Variants in ACSL4 observed in about 807,000 individuals in gnomAD.
ACSL4 encodes the protein long-chain-fatty-acid--CoA ligase 4.
ACSL4 carries 9 observed loss-of-function variants against 49.1 expected under a neutral mutation model. That is an observed-to-expected ratio of 0.18 (90% CI 0.11 to 0.32). The LOEUF (loss-of-function observed/expected upper bound fraction) is 0.32. Among genes scored for constraint, ACSL4 ranks in the 10% least tolerant of loss-of-function variants. The pLI is 1.00. For synonymous variants in ACSL4, 191 were observed against 170.3 expected, an observed-to-expected ratio of 1.12 and a Z score of -0.95; for missense variants, 333 against 493.7, an observed-to-expected ratio of 0.67 and a Z score of 3.08.
At chrX:109,652,898 A>G (rs754925993) in intron 15 of ACSL4, among the ~76,000 whole-genome samples, 1 of 111,854 alleles carries the variant, frequency 8.9e-6, no homozygotes, top group African/African-American at 3.2e-5. Context: ...TTATGTTAAC[A>G]GGCCATTGTT....
Position 109,642,632 on chromosome X carries a change from G to A in ACSL4, c.*1397C>T, listed in dbSNP as rs1319745518. 2 of 111,144 alleles carry A rather than the reference G, an allele frequency of 1.8e-5. No individual in the cohort carries two copies. Among genetic ancestry groups the A allele is most frequent in the African/African-American group, 3.3e-5 (1 of 30,539 alleles). 9.2% of individuals were successfully genotyped at this position (111,144 alleles called of 1,213,427 possible). On this transcript the variant is annotated 3_prime_UTR_variant, in exon 16 of 16. Coordinates refer to ENST00000672401, the MANE Select transcript of ACSL4 (RefSeq NM_001318510.2). ...ATATATAAAAAATGATTAAGAAAAAGTGCAAAGAATAACAGTATTAAGATT... is the reference window on the plus strand; with the variant it reads ...ATATATAAAAAATGATTAAGAAAAAATGCAAAGAATAACAGTATTAAGATT...
intron 15 of ACSL4, 33 bp from the exon 16 acceptor site, chrX:109,644,219 A>G: frequency 8.5e-7 from 1 of 1,176,428 alleles, no homozygotes; most frequent in African/African-American, 1.8e-5. Flanking sequence ...GGAGAAAAGG[A>G]GAGGGGGGGA....
intron 1 of ACSL4, among the ~76,000 whole-genome samples, chrX:109,697,721 G>C (rs781081229): frequency 1.0e-4 from 9 of 85,776 alleles, no homozygotes; most frequent in South Asian, 8.5e-4. Flanking sequence ...GGGGGGGGGG[G>C]CGCGGGGAAC....
In ACSL4 at chrX:109,724,313, T is replaced by C. The variant is rs772428922; in HGVS notation, c.-66+8826A>G. ...TTTCTGAGACAGGGTTTTGCTCTGA[T>C]GCCCAGGCTGGAATGCAGTGGAGTG... On this transcript the variant is annotated intron_variant, in intron 1 of 15. Coordinates refer to ENST00000672401, the MANE Select transcript of ACSL4 (RefSeq NM_001318510.2). Among the ~76,000 whole-genome samples the C allele has an allele frequency of 1.2e-4, 13 of 111,301 alleles. 3 individuals carry two copies. The highest frequency in any genetic ancestry group is 1.1e-3 in the South Asian group (3 of 2,686).
At chrX:109,647,255 C>T (rs764247491) in intron 15 of ACSL4, among the ~76,000 whole-genome samples, 1 of 111,454 alleles carries the variant, frequency 9.0e-6, no homozygotes, top group Non-Finnish European at 1.9e-5. Context: ...TATTCCAAAA[C>T]TGACCACAAA....
intron 10 of ACSL4, among the ~76,000 whole-genome samples, chrX:109,668,622 T>C (rs759985126): frequency 3.4e-4 from 38 of 111,877 alleles, no homozygotes; most frequent in Non-Finnish European, 6.0e-4. Context: ...TCCCCACTCC[T>C]CAGCATCACA....
intron 2 of ACSL4, among the ~76,000 whole-genome samples, chrX:109,688,823 C>T (rs76471217): frequency 9.7e-6 from 1 of 103,182 alleles, no homozygotes; most frequent in Non-Finnish European, 2.0e-5. Context: ...CCTTTTCAGT[C>T]TTTTTTTTTT....
At chrX:109,721,689 G>A (rs749007591) in intron 1 of ACSL4, among the ~76,000 whole-genome samples, 9 of 108,745 alleles carry the variant, frequency 8.3e-5, no homozygotes, top group African/African-American at 2.7e-4. Flanking sequence ...GCGAGATCCT[G>A]CCACTGCACT....
chrX:109,705,978 T>G (rs1926326754), intron 1 of ACSL4, among the ~76,000 whole-genome samples: 1 of 113,126 alleles, frequency 8.8e-6, no homozygotes, highest in African/African-American at 3.2e-5. Context: ...ATTACAGGCG[T>G]AAGCCATGGC....
chrX:109,727,657 T>TTGTGTGTGTGTGTGTGTG (rs35186119), intron 1 of ACSL4, among the ~76,000 whole-genome samples: 1 of 88,400 alleles, frequency 1.1e-5, no homozygotes, highest in Admixed American at 1.3e-4. Context: ...GTTTGTTAAA[T>TTGTGTGTGTGTGTGTGTG]TGTGTGTGTG....
intron 14 of ACSL4, 45 bp downstream of exon 14, chrX:109,661,486 T>C (rs1461228104): frequency 1.1e-6 from 1 of 946,545 alleles, no homozygotes; most frequent in South Asian, 1.9e-5. Context: ...ATTTTCTAAA[T>C]ATCTTTTGAC....
chrX:109,723,424 A>G (rs965841350), intron 1 of ACSL4, among the ~76,000 whole-genome samples: 1 of 111,696 alleles, frequency 9.0e-6, no homozygotes, highest in Non-Finnish European at 1.9e-5. Context: ...ACCCATACAC[A>G]TGATAAGGGT....
intron 15 of ACSL4, among the ~76,000 whole-genome samples, chrX:109,645,692 G>A (rs1410256368): frequency 2.7e-5 from 3 of 112,378 alleles, no homozygotes; most frequent in Non-Finnish European, 5.6e-5. Flanking sequence ...GGCGAGCTGA[G>A]AGAAGAAGGC....
chrX:109,674,345 C>T (rs772097849), intron 9 of ACSL4, 57 bp downstream of exon 9: 211 of 980,467 alleles, frequency 2.2e-4, no homozygotes, highest in Middle Eastern at 2.1e-3. Context: ...GGTCCAAGTA[C>T]GATCAATAAA....
chrX:109,660,043 G>A (rs763446571), intron 14 of ACSL4, among the ~76,000 whole-genome samples: 1 of 109,486 alleles, frequency 9.1e-6, no homozygotes, highest in Non-Finnish European at 1.9e-5. Flanking sequence ...ATATTTCTTG[G>A]GTGTGACACC....
intron 4 of ACSL4, 28 bp from the exon 5 acceptor site, chrX:109,681,403 T>G (rs2147445131): frequency 9.8e-7 from 1 of 1,016,492 alleles, no homozygotes; most frequent in South Asian, 2.0e-5. Context: ...ACACAAATAT[T>G]AAGTAATAAA....
chrX:109,655,030 C>T (rs1006152578), intron 15 of ACSL4, among the ~76,000 whole-genome samples: 1 of 111,230 alleles, frequency 9.0e-6, no homozygotes, highest in African/African-American at 3.3e-5. Flanking sequence ...TAATATTGCC[C>T]GGGCAAAAGA....
At chrX:109,647,115 G>A (rs1477145743) in intron 15 of ACSL4, among the ~76,000 whole-genome samples, 10 of 110,823 alleles carry the variant, frequency 9.0e-5, no homozygotes, top group Non-Finnish European at 1.3e-4. Flanking sequence ...ACAGATCAAC[G>A]AGACAGAAAG....
intron 6 of ACSL4, among the ~76,000 whole-genome samples, chrX:109,680,354 T>G (rs1235191062): frequency 8.9e-6 from 1 of 111,991 alleles, no homozygotes; most frequent in Non-Finnish European, 1.9e-5. Context: ...AGAAGCTGAG[T>G]AGAGGTTCGA....
Sources: gnomAD v4.1 joint callset for allele counts (sites outside exome capture counted in the v4.1 genomes callset) on GRCh38, gnomAD v4.1.1 for gene constraint, MANE v1.5 for transcripts, NCBI Gene and HGNC (gene_info 2026-07-23, HGNC 2026-07-21) for gene names.